The following GRID1 variants were observed in gnomAD, a reference collection of about 807,000 sequenced individuals.
The protein encoded by GRID1 is glutamate ionotropic receptor delta type subunit 1.
GRID1 carries 28 observed loss-of-function variants against 98.0 expected under a neutral mutation model. That is an observed-to-expected ratio of 0.29 (90% CI 0.21 to 0.39). GRID1 has a LOEUF of 0.39. GRID1 is among the 10% of genes least tolerant of loss of function. The probability of loss-of-function intolerance (pLI) is 1.00; values close to 1 mark genes in which losing one functional copy is unlikely to be tolerated. For synonymous variants in GRID1, 553 were observed against 538.5 expected (o/e 1.03, Z -0.37); for missense variants, 1,111 against 1,340.5 (o/e 0.83, Z 2.67).
chr10:86,344,652 A>G (rs1267381627), intron 2 of GRID1, among the ~76,000 whole-genome samples: 1 of 152,248 alleles, frequency 6.6e-6, no homozygotes, highest in East Asian at 1.9e-4. Context: ...TACACACACC[A>G]GGAAAGCCCT....
chr10:85,772,733 T>C (rs972853232), intron 8 of GRID1, among the ~76,000 whole-genome samples: 2 of 152,168 alleles, frequency 1.3e-5, no homozygotes, highest in African/African-American at 4.8e-5. Context: ...AAGAAATGGA[T>C]AAATTCCTCG....
intron 4 of GRID1, among the ~76,000 whole-genome samples, chr10:86,040,748 A>G (rs1470847456): frequency 3.3e-5 from 5 of 152,218 alleles, no homozygotes; most frequent in Non-Finnish European, 7.3e-5. Context: ...AGAATTTTGA[A>G]TGTTCCCACA....
At chr10:86,207,697 T>A (rs1036460997) in intron 2 of GRID1, among the ~76,000 whole-genome samples, 2 of 141,738 alleles carry the variant, frequency 1.4e-5, no homozygotes, top group Non-Finnish European at 3.0e-5. Flanking sequence ...AGTGGCGCGA[T>A]CTCGACTCAC....
At chr10:85,883,898 T>A (rs996132287) in intron 5 of GRID1, among the ~76,000 whole-genome samples, 1 of 152,228 alleles carries the variant, frequency 6.6e-6, no homozygotes, top group Non-Finnish European at 1.5e-5. Flanking sequence ...CTGCATAGTG[T>A]GTTCATTTCT....
intron 4 of GRID1, among the ~76,000 whole-genome samples, chr10:85,982,330 A>T (rs969533856): frequency 1.0e-4 from 15 of 145,082 alleles, no homozygotes; most frequent in South Asian, 8.4e-4. Flanking sequence ...CTTTTATATT[A>T]AAAAAAAACT....
intron 4 of GRID1, among the ~76,000 whole-genome samples, chr10:86,015,438 C>A (rs1842968104): frequency 6.6e-6 from 1 of 152,358 alleles, no homozygotes; most frequent in South Asian, 2.1e-4. Context: ...AATGCTCTGG[C>A]AGCTATGGCA....
intron 12 of GRID1, among the ~76,000 whole-genome samples, chr10:85,713,415 A>G (rs1357417357): frequency 1.3e-5 from 2 of 151,764 alleles, no homozygotes; most frequent in African/African-American, 4.8e-5. Context: ...GTAATCAGAA[A>G]CCTCCCAAGA....
intron 12 of GRID1, among the ~76,000 whole-genome samples, chr10:85,687,944 T>C (rs1252231469): frequency 2.0e-5 from 3 of 152,150 alleles, no homozygotes; most frequent in African/African-American, 7.2e-5. Context: ...AGTATATGAT[T>C]TCAAATGAGG....
rs752820387 is a variant in GRID1, at chr10:86,164,148, G to A, written c.521-25124C>T. 2.8e-4 allele frequency among the ~76,000 whole-genome samples: 42 copies of A among 152,312 alleles called. No individual in the cohort carries two copies. In the East Asian group the frequency reaches 2.9e-3, roughly 10 times the overall value. ...TGTGAGCTCAGTGAATAGATTACCC[G>A]CTTCAATTATTTTATCTAACGATGA... On this transcript the variant is annotated intron_variant, in intron 3 of 15. Transcript: ENST00000327946.
chr10:86,262,104 G>A (rs1847025272), intron 2 of GRID1, among the ~76,000 whole-genome samples: 1 of 152,206 alleles, frequency 6.6e-6, no homozygotes, highest in African/African-American at 2.4e-5. Context: ...CAAAGCCTGC[G>A]CTCTTTACAC....
intron 12 of GRID1, among the ~76,000 whole-genome samples, chr10:85,678,999 A>T (rs1196484718): frequency 2.0e-5 from 3 of 152,130 alleles, no homozygotes; most frequent in Non-Finnish European, 2.9e-5. Context: ...CATAAAACAG[A>T]CTCTCAAACA....
chr10:86,269,021 G>A (rs1328828475), intron 2 of GRID1, among the ~76,000 whole-genome samples: 2 of 152,112 alleles, frequency 1.3e-5, no homozygotes. Context: ...TTGGGGTTTG[G>A]AAAGCAGACT....
chr10:85,683,971 G>A (rs1240808803), intron 12 of GRID1, among the ~76,000 whole-genome samples: 1 of 152,088 alleles, frequency 6.6e-6, no homozygotes, highest in Non-Finnish European at 1.5e-5. Context: ...GTGACTAGAT[G>A]CAAATTAATA....
At chr10:85,691,930 G>A (rs1018622284) in intron 12 of GRID1, among the ~76,000 whole-genome samples, 5 of 152,024 alleles carry the variant, frequency 3.3e-5, no homozygotes, top group African/African-American at 1.2e-4. Context: ...TCTGCAGTCG[G>A]GGTCCCACTG....
At chr10:85,667,145 T>C (rs1841028329) in intron 12 of GRID1, among the ~76,000 whole-genome samples, 1 of 152,186 alleles carries the variant, frequency 6.6e-6, no homozygotes, top group African/African-American at 2.4e-5. Context: ...GGTTATGTGA[T>C]TGACGTGACT....
chr10:85,795,205 T>C (rs906364326), intron 8 of GRID1, among the ~76,000 whole-genome samples: 2 of 152,178 alleles, frequency 1.3e-5, no homozygotes, highest in African/African-American at 4.8e-5. Flanking sequence ...CTAACATCAT[T>C]CATTCCTTCT....
chr10:85,791,919 G>A (rs1266681741), intron 8 of GRID1, among the ~76,000 whole-genome samples: 1 of 152,098 alleles, frequency 6.6e-6, no homozygotes, highest in East Asian at 1.9e-4. Flanking sequence ...GAGAGGGCTG[G>A]GCTGTGGTCC....
intron 2 of GRID1, among the ~76,000 whole-genome samples, chr10:86,230,813 C>T (rs930261862): frequency 6.6e-6 from 1 of 152,206 alleles, no homozygotes; most frequent in Non-Finnish European, 1.5e-5. Context: ...GGTCTGTGAG[C>T]GCCTCCAAGC....
intron 3 of GRID1, among the ~76,000 whole-genome samples, chr10:86,205,331 A>C (rs1846010891): frequency 6.6e-6 from 1 of 152,200 alleles, no homozygotes; most frequent in Non-Finnish European, 1.5e-5. Flanking sequence ...TCAGTCTCCC[A>C]CACCCTCTAA....
Sources: gnomAD v4.1 joint callset for allele counts (sites outside exome capture counted in the v4.1 genomes callset) on GRCh38, gnomAD v4.1.1 for gene constraint, MANE v1.5 for transcripts, NCBI Gene and HGNC (gene_info 2026-07-23, HGNC 2026-07-21) for gene names.